The following SLC6A11 variants were observed in gnomAD, a reference collection of about 807,000 sequenced individuals.
SLC6A11 encodes the protein solute carrier family 6 member 11.
A neutral mutation model predicts 74.8 loss-of-function variants in SLC6A11; 25 were observed. The ratio of observed to expected loss-of-function variants is 0.33; its 90% CI spans 0.24 to 0.47. The LOEUF is 0.47. Among genes scored for constraint, SLC6A11 ranks in the 20% least tolerant of loss-of-function variants. The pLI, the probability that SLC6A11 is intolerant of heterozygous loss-of-function variation, is 1.00. For missense variants in SLC6A11, 574 were observed against 837.0 expected (o/e 0.69, Z 3.88); for synonymous variants, 330 against 330.2 (o/e 1.00, Z 0.01).
chr3:10,838,096 C>G (rs888067959), intron 4 of SLC6A11, among the ~76,000 whole-genome samples: 1 of 152,216 alleles, frequency 6.6e-6, no homozygotes, highest in Non-Finnish European at 1.5e-5. Flanking sequence ...GAAAGGTGAT[C>G]TGTTTGCCGG....
At chr3:10,925,312 T>A (rs1005708030) in intron 8 of SLC6A11, among the ~76,000 whole-genome samples, 1 of 152,246 alleles carries the variant, frequency 6.6e-6, no homozygotes, top group Non-Finnish European at 1.5e-5. Context: ...CAAAACCACT[T>A]TTTTTAGATA....
chr3:10,872,582 A>G (rs889338855), intron 5 of SLC6A11, among the ~76,000 whole-genome samples: 5 of 152,164 alleles, frequency 3.3e-5, no homozygotes, highest in Admixed American at 6.5e-5. Context: ...CTTTACTACC[A>G]ACTGGAAGTC....
chr3:10,823,132 G>T (rs911815336), intron 3 of SLC6A11, among the ~76,000 whole-genome samples, 170 bp from the exon 4 acceptor site: 1 of 152,186 alleles, frequency 6.6e-6, no homozygotes, highest in Non-Finnish European at 1.5e-5. Context: ...ATCAGTCCAA[G>T]CCTCTTAACT....
At chr3:10,909,284 G>A (rs1185100774) in intron 6 of SLC6A11, among the ~76,000 whole-genome samples, 1 of 152,054 alleles carries the variant, frequency 6.6e-6, no homozygotes, top group Non-Finnish European at 1.5e-5. Context: ...AAATTGAGGT[G>A]CTGTTACCGA....
intron 4 of SLC6A11, chr3:10,825,210 C>T (rs1053768830): frequency 1.3e-5 from 2 of 150,148 alleles, no homozygotes; most frequent in Admixed American, 6.7e-5. Flanking sequence ...AATTTACACT[C>T]CAAACAAGAG....
intron 5 of SLC6A11, among the ~76,000 whole-genome samples, chr3:10,863,883 G>T (rs973549843): frequency 6.6e-6 from 1 of 152,100 alleles, no homozygotes; most frequent in Non-Finnish European, 1.5e-5. Flanking sequence ...TCGGGGCTTC[G>T]GAGTTGAATG....
chr3:10,936,677 G>A (rs1695763665), intron 13 of SLC6A11, among the ~76,000 whole-genome samples: 1 of 152,238 alleles, frequency 6.6e-6, no homozygotes, highest in Admixed American at 6.5e-5. Context: ...GTCAAGGGCA[G>A]TTGGTTAATT....
At chr3:10,846,327 T>A (rs149307286) in intron 5 of SLC6A11, among the ~76,000 whole-genome samples, 1 of 152,352 alleles carries the variant, frequency 6.6e-6, no homozygotes, top group East Asian at 1.9e-4. Flanking sequence ...GGAAGTTTCA[T>A]GGTTGGTATT....
At chr3:10,835,843 A>T (rs1322291349) in intron 4 of SLC6A11, among the ~76,000 whole-genome samples, 1 of 152,116 alleles carries the variant, frequency 6.6e-6, no homozygotes, top group Non-Finnish European at 1.5e-5. Context: ...CAGGGTTGGG[A>T]GGGGGGAGCC....
At chr3:10,892,981 C>T (rs1575692101) in intron 6 of SLC6A11, among the ~76,000 whole-genome samples, 1 of 152,272 alleles carries the variant, frequency 6.6e-6, no homozygotes, top group East Asian at 1.9e-4. Flanking sequence ...AGAACGTGAA[C>T]ATTTTATCCA....
intron 10 of SLC6A11, among the ~76,000 whole-genome samples, chr3:10,929,954 G>C (rs535537813): frequency 6.6e-6 from 1 of 152,162 alleles, no homozygotes; most frequent in Admixed American, 6.5e-5. Context: ...ACCTTCTTAT[G>C]TATCTTGGGA....
At chr3:10,905,917 T>A (rs1695296337) in intron 6 of SLC6A11, among the ~76,000 whole-genome samples, 1 of 152,190 alleles carries the variant, frequency 6.6e-6, no homozygotes, top group Non-Finnish European at 1.5e-5. Context: ...GAAGAAAATT[T>A]TAGATCTGGA....
intron 6 of SLC6A11, among the ~76,000 whole-genome samples, 165 bp from the exon 7 acceptor site, chr3:10,911,925 T>G (rs182561071): frequency 1.3e-5 from 2 of 152,186 alleles, no homozygotes; most frequent in Admixed American, 1.3e-4. Context: ...TCCCCAAGAA[T>G]AGAACTCTTT....
At chr3:10,907,878 T>A (rs2629125) in intron 6 of SLC6A11, among the ~76,000 whole-genome samples, 152,390 of 152,390 alleles carry the variant, frequency 1, 76,195 homozygotes, top group Non-Finnish European at 1. Flanking sequence ...CTGGAAAACA[T>A]TCTACAGATA....
chr3:10,940,509 G>A lies in SLC6A11; in HGVS notation c.*2107G>A, dbSNP rs1186763920. 1 of 152,004 alleles carries A rather than the reference G, an allele frequency of 6.6e-6. No individual in the cohort carries two copies. The highest frequency in any genetic ancestry group is 1.5e-5 in the Non-Finnish European group (1 of 68,014). The allele number at this position is 152,004 out of a possible 1,614,324, so 9.4% of individuals were successfully genotyped here. A position where few individuals can be genotyped will look rare whatever the true frequency, so the allele number is the denominator to read the frequency against. On this transcript the variant is annotated 3_prime_UTR_variant, in exon 14 of 14. Transcript: ENST00000254488. ...TTTGGGTAACTTTGGGGGTGGGGAGGGCAATGTGGGGGCAGGGGAACATGT... is the reference window on the plus strand; with the variant it reads ...TTTGGGTAACTTTGGGGGTGGGGAGAGCAATGTGGGGGCAGGGGAACATGT...
rs193106632 is a variant in SLC6A11 at position 10,826,084 on chromosome 3, A to G, written c.623+2692A>G. ...GGAATTTTGATTAAAAGTCTATTGA[A>G]CTCATAGGTTAGTTTGAGAGAATTT... On this transcript the variant is annotated intron_variant, in intron 4 of 13. Transcript: ENST00000254488. Among the ~76,000 whole-genome samples, 261 of 152,332 alleles carry G rather than the reference A, an allele frequency of 1.7e-3. 1 individual carries two copies. Among genetic ancestry groups the G allele is most frequent in the African/African-American group, 5.5e-3 (230 of 41,580 alleles).
At position 10,854,320 on chromosome 3, in the gene SLC6A11, C is replaced by T. The variant is rs1380523936; in HGVS notation, c.756+9974C>T. On this transcript the variant is annotated intron_variant, in intron 5 of 13. Coordinates refer to ENST00000254488, the MANE Select transcript of SLC6A11 (RefSeq NM_014229.3). ...AGGAGAACCACTTGAACCTAGGAGG[C>T]AGAGGTTGCAGTGAGCCGAGATCGC... is the stretch of plus-strand genomic sequence containing the variant. Among the ~76,000 whole-genome samples the T allele has an allele frequency of 2.0e-5, 3 of 152,192 alleles. No homozygotes were observed. In the East Asian group the frequency reaches 5.8e-4, roughly 29 times the overall value.
At chr3:10,897,916 C>G (rs978137230) in intron 6 of SLC6A11, among the ~76,000 whole-genome samples, 10 of 152,232 alleles carry the variant, frequency 6.6e-5, no homozygotes, top group Non-Finnish European at 1.5e-4. Flanking sequence ...CCAGGCATTT[C>G]CATACATCTT....
intron 6 of SLC6A11, among the ~76,000 whole-genome samples, chr3:10,888,213 G>C (rs1206592163): frequency 6.6e-6 from 1 of 152,202 alleles, no homozygotes; most frequent in Non-Finnish European, 1.5e-5. Context: ...TTCTAGAGGA[G>C]AGAGCCTTAT....
Sources: allele counts gnomAD v4.1 joint callset (sites outside exome capture counted in the v4.1 genomes callset), GRCh38; gene constraint gnomAD v4.1.1; transcripts MANE v1.5; gene names NCBI Gene and HGNC (gene_info 2026-07-23, HGNC 2026-07-21).